Variants in SLC35D4 observed in about 807,000 individuals in gnomAD.
The protein encoded by SLC35D4 is UDP-N-acetylglucosamine transporter SLC35D4.
chr18:23,424,349 T>C, the SLC35D4 span, among the ~76,000 whole-genome samples: 1 of 152,184 alleles, frequency 6.6e-6, no homozygotes, highest in African/African-American at 2.4e-5. Flanking sequence ...ATCTGTTTCC[T>C]TCACTGATGT....
chr18:23,377,372 A>G, the SLC35D4 span, among the ~76,000 whole-genome samples: 1 of 152,250 alleles, frequency 6.6e-6, no homozygotes, highest in Admixed American at 6.5e-5. Flanking sequence ...ATTCTCCATC[A>G]GTATTACACA....
At chr18:23,403,076 A>C in the SLC35D4 span, among the ~76,000 whole-genome samples, 1 of 152,178 alleles carries the variant, frequency 6.6e-6, no homozygotes, top group East Asian at 1.9e-4. Context: ...ACTGCACTCT[A>C]GCCTGGGTGA....
the SLC35D4 span, among the ~76,000 whole-genome samples, chr18:23,285,912 A>G: frequency 3.9e-5 from 6 of 151,940 alleles, no homozygotes; most frequent in Non-Finnish European, 7.4e-5. Flanking sequence ...CTTTATCCCA[A>G]ATCAGACGGC....
chr18:23,252,883 T>G, the SLC35D4 span: 1 of 915,670 alleles, frequency 1.1e-6, no homozygotes, highest in Non-Finnish European at 1.8e-6. Context: ...GAGTTGTAAG[T>G]TGGTCGTAGT....
the SLC35D4 span, among the ~76,000 whole-genome samples, chr18:23,256,496 T>G: frequency 6.6e-6 from 1 of 152,216 alleles, no homozygotes; most frequent in South Asian, 2.1e-4. Flanking sequence ...TTATTTATTT[T>G]TTGAGACAGC....
the SLC35D4 span, among the ~76,000 whole-genome samples, chr18:23,246,399 G>GT: frequency 1.1e-3 from 160 of 148,914 alleles, 1 homozygote; most frequent in East Asian, 0.01. Context: ...TTGTTTTTTG[G>GT]TTTTTTTTTT....
chr18:23,284,142 TGGTTTTGGTG>T, the SLC35D4 span, among the ~76,000 whole-genome samples: 1 of 152,310 alleles, frequency 6.6e-6, no homozygotes, highest in East Asian at 1.9e-4. Flanking sequence ...ATTGCCACCT[TGGTTTTGGTG>T]GGTTTTGGTC....
the SLC35D4 span, among the ~76,000 whole-genome samples, chr18:23,353,563 T>G: frequency 3.3e-5 from 5 of 152,350 alleles, no homozygotes; most frequent in Admixed American, 1.3e-4. Flanking sequence ...CACAGCCACA[T>G]TCTTGGGGCA....
At chr18:23,366,335 T>A in the SLC35D4 span, among the ~76,000 whole-genome samples, 1 of 152,236 alleles carries the variant, frequency 6.6e-6, no homozygotes, top group South Asian at 2.1e-4. Flanking sequence ...CAAACCCCAC[T>A]TGAGGGGCCC....
At chr18:23,318,760 T>C in the SLC35D4 span, among the ~76,000 whole-genome samples, 11 of 152,208 alleles carry the variant, frequency 7.2e-5, no homozygotes, top group Non-Finnish European at 1.5e-4. Context: ...TCAGTAGACA[T>C]TTGAGGATTA....
chr18:23,432,840 A>G, the SLC35D4 span, among the ~76,000 whole-genome samples: 1 of 151,728 alleles, frequency 6.6e-6, no homozygotes, highest in African/African-American at 2.4e-5. Flanking sequence ...AATTAGCCGG[A>G]CATGGTTGTG....
At chr18:23,318,526 T>C in the SLC35D4 span, among the ~76,000 whole-genome samples, 1 of 152,336 alleles carries the variant, frequency 6.6e-6, no homozygotes, top group East Asian at 1.9e-4. Flanking sequence ...TCAACCAACA[T>C]CTTAATTAAC....
the SLC35D4 span, chr18:23,352,267 T>A: frequency 6.2e-7 from 1 of 1,608,302 alleles, no homozygotes; most frequent in Non-Finnish European, 8.5e-7. Context: ...GTACTGAACA[T>A]GAGAAAGAAT....
At chr18:23,245,752 C>T in the SLC35D4 span, among the ~76,000 whole-genome samples, 3 of 152,230 alleles carry the variant, frequency 2.0e-5, no homozygotes, top group East Asian at 3.8e-4. Context: ...TTTCCCTGTA[C>T]GCAGCTGTGC....
At chr18:23,356,729 C>T in the SLC35D4 span, 5 of 1,502,266 alleles carry the variant, frequency 3.3e-6, no homozygotes, top group Non-Finnish European at 4.6e-6. The surrounding 1 kb of genome is among the most constrained non-coding windows in gnomAD (Gnocchi z 4.1). Context: ...GCCCCATTGC[C>T]CCAGGAAATG....
chr18:23,400,879 T>C, the SLC35D4 span, among the ~76,000 whole-genome samples: 1 of 152,198 alleles, frequency 6.6e-6, no homozygotes, highest in Non-Finnish European at 1.5e-5. Flanking sequence ...CATTTAAATG[T>C]TTCCAGTCTA....
the SLC35D4 span, among the ~76,000 whole-genome samples, chr18:23,421,174 G>A: frequency 6.6e-6 from 1 of 152,136 alleles, no homozygotes; most frequent in Admixed American, 6.6e-5. Context: ...AACCTGGGAA[G>A]CAGAGGTTGC....
chr18:23,363,504 A>G, the SLC35D4 span, among the ~76,000 whole-genome samples: 1 of 148,450 alleles, frequency 6.7e-6, no homozygotes, highest in African/African-American at 2.5e-5. Flanking sequence ...CCTCCCGAGT[A>G]GCTGGGACTA....
At chr18:23,382,288 G>GTT in the SLC35D4 span, among the ~76,000 whole-genome samples, 1 of 144,222 alleles carries the variant, frequency 6.9e-6, no homozygotes, top group African/African-American at 2.5e-5. Context: ...GAGAATATGA[G>GTT]TTTTTTTTTT....
Sources: allele counts gnomAD v4.1 joint callset (sites outside exome capture counted in the v4.1 genomes callset), GRCh38; gene constraint gnomAD v4.1.1; non-coding constraint Gnocchi (gnomAD v3.1); transcripts MANE v1.5; gene names NCBI Gene and HGNC (gene_info 2026-07-23, HGNC 2026-07-21).